The following ERI3 variants were observed in gnomAD, a reference collection of about 807,000 sequenced individuals.
ERI3 encodes the protein ERI1 exoribonuclease 3.
In ERI3, 18 loss-of-function variants were observed where a neutral mutation model predicts 44.4. The observed-to-expected ratio is 0.41, with a 90% CI of 0.28 to 0.60. The LOEUF is 0.60. Ranked by LOEUF, ERI3 falls within the 20% of genes least tolerant of loss-of-function variation. The pLI, the probability that ERI3 is intolerant of heterozygous loss-of-function variation, is 0.36. For missense variants in ERI3, 294 were observed against 435.5 expected, an observed-to-expected ratio of 0.68 and a Z score of 2.89; for synonymous variants, 183 against 164.8, an observed-to-expected ratio of 1.11 and a Z score of -0.84.
intron 2 of ERI3, among the ~76,000 whole-genome samples, chr1:44,342,396 T>C (rs925878072): frequency 6.6e-6 from 1 of 152,010 alleles, no homozygotes; most frequent in East Asian, 1.9e-4. Flanking sequence ...TTAAGCATAA[T>C]GGGACCCAGG....
chr1:44,347,165 T>C (rs534857157), intron 2 of ERI3, among the ~76,000 whole-genome samples: 1 of 152,350 alleles, frequency 6.6e-6, no homozygotes. Context: ...CAACAATGCA[T>C]ATCAACTGCA....
At chr1:44,267,225 A>G (rs1221229005) in intron 7 of ERI3, among the ~76,000 whole-genome samples, 4 of 152,174 alleles carry the variant, frequency 2.6e-5, no homozygotes, top group East Asian at 1.9e-4. Context: ...CATAAGCTAC[A>G]AGACTTGTAG....
At chr1:44,267,854 T>C (rs953686588) in intron 7 of ERI3, among the ~76,000 whole-genome samples, 1 of 152,164 alleles carries the variant, frequency 6.6e-6, no homozygotes, top group Non-Finnish European at 1.5e-5. Flanking sequence ...CTGGACCTTA[T>C]CTCCCCAGGA....
At chr1:44,308,249 G>A (rs183630615) in intron 6 of ERI3, 61 bp downstream of exon 6, 12 of 1,236,856 alleles carry the variant, frequency 9.7e-6, no homozygotes, top group Non-Finnish European at 1.3e-5. Context: ...GCCTCCAAAA[G>A]GCCAGACCTG....
At chr1:44,260,934 A>C (rs1312770550) in intron 7 of ERI3, among the ~76,000 whole-genome samples, 1 of 152,068 alleles carries the variant, frequency 6.6e-6, no homozygotes, top group Non-Finnish European at 1.5e-5. Context: ...TTCTCTCAAC[A>C]GCACTTTGCT....
At chr1:44,294,723 A>G (rs1486009617) in intron 6 of ERI3, among the ~76,000 whole-genome samples, 1 of 152,246 alleles carries the variant, frequency 6.6e-6, no homozygotes, top group African/African-American at 2.4e-5. Flanking sequence ...GGAGGTTTCC[A>G]AGACACTGTG....
chr1:44,283,544 A>G (rs1451439970), intron 7 of ERI3, among the ~76,000 whole-genome samples: 28 of 152,208 alleles, frequency 1.8e-4, no homozygotes, highest in Admixed American at 1.8e-3. Flanking sequence ...CCATAGAGCA[A>G]GGCCCAAAGC....
intron 6 of ERI3, among the ~76,000 whole-genome samples, chr1:44,302,622 C>T (rs565493035): frequency 6.6e-6 from 1 of 152,358 alleles, no homozygotes; most frequent in African/African-American, 2.4e-5. Flanking sequence ...CACCACATCT[C>T]CTGGCCAACT....
intron 7 of ERI3, among the ~76,000 whole-genome samples, chr1:44,261,280 C>T (rs1644888158): frequency 6.6e-6 from 1 of 152,264 alleles, no homozygotes; most frequent in African/African-American, 2.4e-5. Context: ...GCGGGCAGGG[C>T]GCACAGCGCG....
At position 44,320,283 on chromosome 1, in the gene ERI3, C is replaced by T. The variant is rs1646172210; in HGVS notation, c.490-539G>A. Among the ~76,000 whole-genome samples the T allele has an allele frequency of 2.0e-5, 3 of 152,140 alleles. No individual in the cohort carries two copies. In the South Asian group the frequency reaches 6.2e-4, roughly 32 times the overall value. ...CCCAAAGAGAAGGAGAAAAGAGTAA[C>T]AGTAATAGGAGCTAGCGCCTCCCAC... On this transcript the variant is annotated intron_variant, in intron 3 of 8. Coordinates refer to ENST00000372257, the MANE Select transcript of ERI3 (RefSeq NM_024066.3).
intron 8 of ERI3, among the ~76,000 whole-genome samples, chr1:44,233,387 C>A (rs1035545551): frequency 1.3e-5 from 2 of 151,942 alleles, no homozygotes; most frequent in Admixed American, 6.6e-5. Flanking sequence ...AAGAGAGGGC[C>A]AAGCCTGATG....
At chr1:44,258,160 G>A (rs1644817762) in intron 7 of ERI3, among the ~76,000 whole-genome samples, 1 of 152,190 alleles carries the variant, frequency 6.6e-6, no homozygotes, top group African/African-American at 2.4e-5. Context: ...TAAGGGGCAG[G>A]CATTTTGCTA....
intron 8 of ERI3, among the ~76,000 whole-genome samples, chr1:44,231,783 T>C (rs1054415725): frequency 1.3e-5 from 2 of 152,188 alleles, no homozygotes; most frequent in African/African-American, 4.8e-5. Context: ...TTGCCAGTCA[T>C]TGGCACAGGG....
At chr1:44,312,662 G>A (rs1645997786) in intron 5 of ERI3, among the ~76,000 whole-genome samples, 1 of 152,386 alleles carries the variant, frequency 6.6e-6, no homozygotes, top group East Asian at 1.9e-4. Context: ...AATGCATCCA[G>A]CGGCAAGCTG....
intron 2 of ERI3, among the ~76,000 whole-genome samples, chr1:44,347,125 A>G (rs1009394904): frequency 1.4e-4 from 22 of 152,166 alleles, no homozygotes; most frequent in Admixed American, 9.8e-4. Flanking sequence ...ATTTCCCCAC[A>G]TGACTGATTC....
At chr1:44,320,202 T>C (rs1646170541) in intron 3 of ERI3, among the ~76,000 whole-genome samples, 1 of 152,162 alleles carries the variant, frequency 6.6e-6, no homozygotes, top group Non-Finnish European at 1.5e-5. Flanking sequence ...AGCTGGTAAG[T>C]TTCTTCATTA....
At chr1:44,313,636 G>A (rs770673189) in intron 4 of ERI3, among the ~76,000 whole-genome samples, 5 of 152,220 alleles carry the variant, frequency 3.3e-5, no homozygotes, top group East Asian at 3.9e-4. Context: ...AGAAGTTCCC[G>A]TAAAACTTGG....
intron 7 of ERI3, among the ~76,000 whole-genome samples, chr1:44,258,614 G>C (rs1644826423): frequency 6.6e-6 from 1 of 152,090 alleles, no homozygotes; most frequent in South Asian, 2.1e-4. Flanking sequence ...TAGAAGGAGA[G>C]ACATGTAAAC....
Position 44,354,964 on chromosome 1 carries a change from G to A in ERI3, c.63C>T (p.Val21=), listed in dbSNP as rs746648169. The part of the protein sequence containing the change: ...GRGRPWEGGL[V]SWPPAPPLTL... The stretch of plus-strand genomic sequence containing the variant: ...TAAGGGGAGGGGCGGGGGGCCAGGA[G>A]ACCAGCCCTCCTTCCCAGGGCCGCC... The change falls in exon 1 of 9, where the codon GTC becomes GTT. Residue 21 remains valine (V), a synonymous_variant. Transcript: ENST00000372257. The A allele has an allele frequency of 2.2e-5, 30 of 1,349,838 alleles. No homozygotes were observed. Among genetic ancestry groups the A allele is most frequent in the African/African-American group, 9.0e-5 (6 of 66,616 alleles). The allele number at this position is 1,349,838 out of a possible 1,614,324, so 83.6% of individuals were successfully genotyped here. A position where few individuals can be genotyped will look rare whatever the true frequency, so the allele number is the denominator to read the frequency against.
Sources: gnomAD v4.1 joint callset for allele counts (sites outside exome capture counted in the v4.1 genomes callset) on GRCh38, gnomAD v4.1.1 for gene constraint, MANE v1.5 for transcripts, NCBI Gene and HGNC (gene_info 2026-07-23, HGNC 2026-07-21) for gene names.